FHIT: variants seen among roughly 807,000 people sequenced by gnomAD.
The protein encoded by FHIT is fragile histidine triad diadenosine triphosphatase, also known as bis(5'-adenosyl)-triphosphatase.
A neutral mutation model predicts 17.9 loss-of-function variants in FHIT; 19 were observed. The ratio of observed to expected loss-of-function variants is 1.06; its 90% confidence interval spans 0.74 to 1.56. The LOEUF (loss-of-function observed/expected upper bound fraction) is 1.56. FHIT is among the 40% of genes most tolerant of loss of function. The pLI is 0.00. For synonymous variants in FHIT, 81 were observed against 69.7 expected (o/e 1.16, Z -0.81); for missense variants, 248 against 189.2 (o/e 1.31, Z -1.82).
chr3:61,241,868 CAAAATACCCCT>C (rs1560105755), intron 1 of FHIT, among the ~76,000 whole-genome samples: 1 of 152,068 alleles, frequency 6.6e-6, no homozygotes, highest in Non-Finnish European at 1.5e-5. Context: ...GGCATACAAA[CAAAATACCCCT>C]AAAATAAGTG....
At chr3:60,942,330 T>C (rs1321256198) in intron 3 of FHIT, among the ~76,000 whole-genome samples, 1 of 152,218 alleles carries the variant, frequency 6.6e-6, no homozygotes, top group Non-Finnish European at 1.5e-5. Flanking sequence ...ATTTTCATTC[T>C]CAGAAGCCAG....
intron 4 of FHIT, among the ~76,000 whole-genome samples, chr3:60,748,584 G>T (rs992317683): frequency 6.6e-6 from 1 of 152,176 alleles, no homozygotes; most frequent in African/African-American, 2.4e-5. Context: ...GGCCGAGGTG[G>T]GCGGATCACT....
chr3:60,104,715 CTCTT>C (rs1163987306), intron 5 of FHIT, among the ~76,000 whole-genome samples: 1 of 152,032 alleles, frequency 6.6e-6, no homozygotes, highest in African/African-American at 2.4e-5. Flanking sequence ...TTTTAGACTT[CTCTT>C]TAAGACAGAT....
intron 8 of FHIT, among the ~76,000 whole-genome samples, chr3:59,761,054 G>A (rs1701490112): frequency 6.6e-6 from 1 of 152,130 alleles, no homozygotes; most frequent in South Asian, 2.1e-4. Context: ...GAGCTACTAA[G>A]GGGTTGATAT....
chr3:59,888,051 C>T (rs546351320), intron 8 of FHIT, among the ~76,000 whole-genome samples: 77 of 152,218 alleles, frequency 5.1e-4, no homozygotes, highest in South Asian at 2.7e-3. Flanking sequence ...GAAAATAAGA[C>T]GGGTGTACTT....
At chr3:60,125,291 G>T (rs911487641) in intron 5 of FHIT, among the ~76,000 whole-genome samples, 1 of 152,116 alleles carries the variant, frequency 6.6e-6, no homozygotes, top group African/African-American at 2.4e-5. Context: ...GTAAAATGGT[G>T]GTAATAAAGC....
At chr3:60,380,956 G>A (rs1003284179) in intron 5 of FHIT, among the ~76,000 whole-genome samples, 3 of 138,612 alleles carry the variant, frequency 2.2e-5, no homozygotes, top group African/African-American at 7.8e-5. Flanking sequence ...TGGCAACCGC[G>A]TAACAAAAAA....
At chr3:60,619,790 G>T (rs927047263) in intron 4 of FHIT, among the ~76,000 whole-genome samples, 1 of 151,990 alleles carries the variant, frequency 6.6e-6, no homozygotes, top group Non-Finnish European at 1.5e-5. Context: ...TACCAAAGGT[G>T]CAATCCATGA....
At chr3:59,832,403 A>T (rs1228699932) in intron 8 of FHIT, among the ~76,000 whole-genome samples, 1 of 152,130 alleles carries the variant, frequency 6.6e-6, no homozygotes, top group Non-Finnish European at 1.5e-5. Flanking sequence ...TAAGAAAAGG[A>T]TAATACACCC....
At chr3:60,943,256 T>A (rs1708495825) in intron 3 of FHIT, among the ~76,000 whole-genome samples, 1 of 152,134 alleles carries the variant, frequency 6.6e-6, no homozygotes, top group Admixed American at 6.5e-5. Context: ...TTGGTGACTG[T>A]GTCAATTTTT....
At chr3:60,214,999 G>C (rs1033541022) in intron 5 of FHIT, among the ~76,000 whole-genome samples, 1 of 151,954 alleles carries the variant, frequency 6.6e-6, no homozygotes, top group Non-Finnish European at 1.5e-5. Flanking sequence ...GGGAACAAGA[G>C]ACACTGAGGA....
At chr3:59,906,659 T>C (rs1704599209) in intron 8 of FHIT, among the ~76,000 whole-genome samples, 1 of 152,356 alleles carries the variant, frequency 6.6e-6, no homozygotes, top group African/African-American at 2.4e-5. Flanking sequence ...TCTGATTAAT[T>C]ATTCTCTTAA....
chr3:60,124,009 TAGAGAGAGAGAGAG>T (rs1168094593), intron 5 of FHIT, among the ~76,000 whole-genome samples: 7 of 12,154 alleles, frequency 5.8e-4, no homozygotes, highest in African/African-American at 9.4e-4. Context: ...TATATATATA[TAGAGAGAGAGAGAG>T]AGAGAGAGAG....
At chr3:60,540,366 G>A (rs1277672670) in intron 4 of FHIT, among the ~76,000 whole-genome samples, 1 of 152,198 alleles carries the variant, frequency 6.6e-6, no homozygotes, top group African/African-American at 2.4e-5. Context: ...TCAAAGAAGG[G>A]ACCATGGGGT....
chr3:60,943,955 C>G (rs1708529096), intron 3 of FHIT, among the ~76,000 whole-genome samples: 1 of 152,092 alleles, frequency 6.6e-6, no homozygotes, highest in Non-Finnish European at 1.5e-5. Flanking sequence ...TCTTCAACCT[C>G]CTCATTTTTA....
chr3:60,087,427 T>C (rs7635362), intron 5 of FHIT, among the ~76,000 whole-genome samples: 51,895 of 152,132 alleles, frequency 0.34, 9,909 homozygotes, highest in Middle Eastern at 0.56. Flanking sequence ...TGAAAATGTT[T>C]CCTTTCCCAC....
intron 3 of FHIT, among the ~76,000 whole-genome samples, chr3:60,931,003 G>A (rs1189161620): frequency 2.0e-5 from 3 of 152,174 alleles, no homozygotes; most frequent in Non-Finnish European, 4.4e-5. Context: ...AGAAAATGTG[G>A]CACATATACA....
At chr3:60,025,029 A>C (rs1700688837) in intron 5 of FHIT, among the ~76,000 whole-genome samples, 1 of 152,214 alleles carries the variant, frequency 6.6e-6, no homozygotes, top group African/African-American at 2.4e-5. Flanking sequence ...TAGGAGCAAC[A>C]AGACTTAACT....
At chr3:60,541,675 G>A (rs959507058) in intron 4 of FHIT, among the ~76,000 whole-genome samples, 9 of 152,162 alleles carry the variant, frequency 5.9e-5, no homozygotes, top group African/African-American at 2.2e-4. Context: ...TTGCCAAACT[G>A]GTAGACTATG....
Sources: allele counts gnomAD v4.1 joint callset (sites outside exome capture counted in the v4.1 genomes callset), GRCh38; gene constraint gnomAD v4.1.1; transcripts MANE v1.5; gene names NCBI Gene and HGNC (gene_info 2026-07-23, HGNC 2026-07-21).